The following DLGAP2 variants were observed in gnomAD, a reference collection of about 807,000 sequenced individuals.
The protein encoded by DLGAP2 is DLG associated protein 2.
In DLGAP2, 26 loss-of-function variants were observed where a neutral mutation model predicts 100.3. The observed-to-expected ratio is 0.26, with a 90% CI of 0.19 to 0.36. DLGAP2 has a LOEUF of 0.36. Ranked by LOEUF, DLGAP2 falls within the 10% of genes least tolerant of loss-of-function variation. DLGAP2 has a pLI of 1.00. For missense variants in DLGAP2, 1,858 were observed against 1,453.2 expected, an observed-to-expected ratio of 1.28 and a Z score of -4.53; for synonymous variants, 886 against 630.1, an observed-to-expected ratio of 1.41 and a Z score of -6.08.
chr8:1,269,506 C>G (rs976076928), intron 3 of DLGAP2, among the ~76,000 whole-genome samples: 1 of 152,190 alleles, frequency 6.6e-6, no homozygotes, highest in Non-Finnish European at 1.5e-5. Context: ...GTTTATGTGA[C>G]TGGGAGAAGT....
chr8:1,330,556 C>T (rs1437495586), intron 3 of DLGAP2, among the ~76,000 whole-genome samples: 1 of 133,930 alleles, frequency 7.5e-6, no homozygotes, highest in Non-Finnish European at 1.6e-5. Flanking sequence ...GGGAGCACCG[C>T]TTCACAGGGA....
chr8:894,574 A>G (rs1157843938), intron 1 of DLGAP2, among the ~76,000 whole-genome samples: 1 of 133,656 alleles, frequency 7.5e-6, no homozygotes, highest in Non-Finnish European at 1.6e-5. Flanking sequence ...GACAAGGCAA[A>G]TGTATGGAGG....
At chr8:836,449 G>A (rs1796877673) in intron 1 of DLGAP2, among the ~76,000 whole-genome samples, 2 of 152,214 alleles carry the variant, frequency 1.3e-5, no homozygotes, top group Admixed American at 1.3e-4. Context: ...AGGCGCCCTG[G>A]CAGGGATGGG....
At chr8:1,687,957 C>G (rs758610026) in intron 12 of DLGAP2, among the ~76,000 whole-genome samples, 15 of 152,156 alleles carry the variant, frequency 9.9e-5, no homozygotes, top group Non-Finnish European at 2.2e-4. Flanking sequence ...TTCAACATTT[C>G]AAAAGCAAAG....
chr8:1,232,544 T>G (rs1026344680), intron 2 of DLGAP2, among the ~76,000 whole-genome samples: 3 of 152,216 alleles, frequency 2.0e-5, no homozygotes, highest in Non-Finnish European at 4.4e-5. Flanking sequence ...TGAGGCTCAA[T>G]GTGGTGATGG....
At chr8:1,181,415 C>G (rs187085766) in intron 2 of DLGAP2, among the ~76,000 whole-genome samples, 1 of 152,168 alleles carries the variant, frequency 6.6e-6, no homozygotes, top group South Asian at 2.1e-4. Context: ...CCAGCTCCAT[C>G]CATGTTCCTG....
At chr8:1,355,090 T>G (rs534856312) in intron 3 of DLGAP2, among the ~76,000 whole-genome samples, 3 of 149,402 alleles carry the variant, frequency 2.0e-5, no homozygotes, top group African/African-American at 5.0e-5. Context: ...CACGGATGAT[T>G]CTGTGGATGA....
At chr8:756,964 C>G (rs943140135) in intron 1 of DLGAP2, among the ~76,000 whole-genome samples, 9 of 152,168 alleles carry the variant, frequency 5.9e-5, no homozygotes, top group Non-Finnish European at 4.4e-5. Context: ...GCAAAATGTC[C>G]TCTTTCCTGG....
intron 1 of DLGAP2, among the ~76,000 whole-genome samples, chr8:798,454 C>T (rs538461966): frequency 5.5e-5 from 8 of 146,682 alleles, no homozygotes; most frequent in African/African-American, 1.8e-4. Context: ...AGCCCCGTGC[C>T]CCGGCGCTGA....
At chr8:879,839 T>C (rs532872630) in intron 1 of DLGAP2, among the ~76,000 whole-genome samples, 1 of 152,344 alleles carries the variant, frequency 6.6e-6, no homozygotes, top group Admixed American at 6.5e-5. Flanking sequence ...CTCCACTTTA[T>C]GTGAGCTCTC....
intron 3 of DLGAP2, among the ~76,000 whole-genome samples, chr8:1,335,915 C>T (rs13263923): frequency 0.19 from 28,617 of 151,588 alleles, 2,724 homozygotes; most frequent in African/African-American, 0.22. Context: ...CATCAGGACC[C>T]TAGAGCCGGG....
intron 2 of DLGAP2, among the ~76,000 whole-genome samples, chr8:1,001,070 G>A (rs1216643821): frequency 6.6e-6 from 1 of 152,204 alleles, no homozygotes; most frequent in Non-Finnish European, 1.5e-5. Flanking sequence ...ACTTCTCTGA[G>A]TGGCAATGAC....
At chr8:1,626,686 T>C (rs1797510539) in intron 6 of DLGAP2, 54 bp from the exon 7 acceptor site, 2 of 1,553,480 alleles carry the variant, frequency 1.3e-6, no homozygotes, top group Non-Finnish European at 8.7e-7. Flanking sequence ...TTCCCACCTC[T>C]GCCCTGCAGC....
chr8:832,508 G>T (rs917466962), intron 1 of DLGAP2, among the ~76,000 whole-genome samples: 2 of 152,180 alleles, frequency 1.3e-5, no homozygotes, highest in Non-Finnish European at 2.9e-5. Context: ...GGCTCTGCTT[G>T]TCTCTGCGTC....
chr8:1,592,621 T>G (rs145864034), intron 6 of DLGAP2, among the ~76,000 whole-genome samples: 1 of 152,302 alleles, frequency 6.6e-6, no homozygotes, highest in East Asian at 1.9e-4. Context: ...ACTGGACAAC[T>G]TCTAACTATT....
intron 12 of DLGAP2, among the ~76,000 whole-genome samples, chr8:1,685,443 C>T (rs949200459): frequency 6.6e-6 from 1 of 152,200 alleles, no homozygotes; most frequent in Non-Finnish European, 1.5e-5. Flanking sequence ...ACGTCCACTG[C>T]TTCCAGACCT....
At chr8:1,059,531 G>A (rs971406116) in intron 2 of DLGAP2, among the ~76,000 whole-genome samples, 9 of 152,210 alleles carry the variant, frequency 5.9e-5, no homozygotes, top group Non-Finnish European at 2.9e-5. Context: ...GCGAGTGTGG[G>A]CTGTTCAGTG....
At chr8:1,347,134 C>G (rs1346479077) in intron 3 of DLGAP2, among the ~76,000 whole-genome samples, 4 of 152,064 alleles carry the variant, frequency 2.6e-5, no homozygotes, top group Admixed American at 1.3e-4. Flanking sequence ...CTGCATTGCT[C>G]TCATGGCGGC....
intron 2 of DLGAP2, among the ~76,000 whole-genome samples, chr8:943,614 G>A (rs1191912281): frequency 1.3e-5 from 2 of 151,894 alleles, no homozygotes. Flanking sequence ...TCATGTGGAG[G>A]AGCTGGCATG....
Sources: allele counts gnomAD v4.1 joint callset (sites outside exome capture counted in the v4.1 genomes callset), GRCh38; gene constraint gnomAD v4.1.1; transcripts MANE v1.5; gene names NCBI Gene and HGNC (gene_info 2026-07-23, HGNC 2026-07-21).